Variants in SORBS2 observed in about 807,000 individuals in gnomAD.
SORBS2 encodes the protein sorbin and SH3 domain-containing protein 2.
Under a neutral mutation model 97.7 loss-of-function variants are expected in SORBS2, and 46 were observed. The observed-to-expected ratio is 0.47, with a 90% CI of 0.37 to 0.60. The LOEUF is 0.60. SORBS2 is among the 20% of genes least tolerant of loss of function. SORBS2 has a pLI of 0.00. For synonymous variants in SORBS2, 476 were observed against 473.4 expected (o/e 1.01, Z -0.07); for missense variants, 1,316 against 1,282.3 (o/e 1.03, Z -0.40).
intron 2 of SORBS2, among the ~76,000 whole-genome samples, chr4:185,767,171 C>G (rs1458947625): frequency 6.6e-6 from 1 of 152,102 alleles, no homozygotes; most frequent in Non-Finnish European, 1.5e-5. Context: ...GTCGTCTTCA[C>G]TGCCTGGACC....
In SORBS2 at chr4:185,953,793, G is replaced by T. The variant is rs147582235; in HGVS notation, c.-338+2403C>A. Among the ~76,000 whole-genome samples the T allele has an allele frequency of 1.6e-4, 24 of 152,284 alleles. No individual in the cohort carries two copies. The East Asian group carries it at 4.3e-3, about 27-fold the overall frequency. On this transcript the variant is annotated intron_variant, in intron 1 of 20. Coordinates refer to the SORBS2 transcript ENST00000284776. ...CACCCTTCTTATATTTACATGAACT[G>T]CTTATAATTATGTGGATTTCTTGCA...
intron 2 of SORBS2, among the ~76,000 whole-genome samples, chr4:185,704,995 G>A (rs2153537581): frequency 6.6e-6 from 1 of 152,338 alleles, no homozygotes; most frequent in South Asian, 2.1e-4. Flanking sequence ...TGTCACACAG[G>A]TAGGGGCAGC....
Position 185,688,096 on chromosome 4 carries a change from C to T in SORBS2, c.-197-9274G>A, listed in dbSNP as rs536912190. ...TTTGATGTCTTTCCTTCTCTCCTTT[C>T]TTCAATAGCTAAGATATGCCTAAGA... On this transcript the variant is annotated intron_variant, in intron 2 of 20. Transcript: ENST00000284776. Among the ~76,000 whole-genome samples, 14 of 152,268 alleles carry T rather than the reference C, an allele frequency of 9.2e-5. No individual in the cohort carries two copies. In the East Asian group the frequency reaches 2.7e-3, roughly 29 times the overall value.
At chr4:185,752,356 A>C (rs2098805688) in intron 2 of SORBS2, among the ~76,000 whole-genome samples, 1 of 152,122 alleles carries the variant, frequency 6.6e-6, no homozygotes, top group Non-Finnish European at 1.5e-5. Flanking sequence ...GCTCACTGCA[A>C]GCTCCGCCTC....
chr4:185,758,142 G>A (rs562791790), intron 2 of SORBS2, among the ~76,000 whole-genome samples: 47 of 152,290 alleles, frequency 3.1e-4, no homozygotes, highest in South Asian at 1.2e-3. Flanking sequence ...GGTCCTAACC[G>A]ATAATTTCAC....
At chr4:185,620,698 C>T (rs367905821) in intron 7 of SORBS2, among the ~76,000 whole-genome samples, 1 of 152,176 alleles carries the variant, frequency 6.6e-6, no homozygotes, top group Non-Finnish European at 1.5e-5. Flanking sequence ...CTCCCCTCTT[C>T]GCTCTTCCTC....
At chr4:185,741,393 C>CTTTTTTTTTT (rs1210677956) in intron 2 of SORBS2, among the ~76,000 whole-genome samples, 16 of 119,548 alleles carry the variant, frequency 1.3e-4, no homozygotes, top group African/African-American at 2.8e-4. Context: ...TCTTTCTTTT[C>CTTTTTTTTTT]TTTTTTTTTT....
At chr4:185,629,117 C>A (rs138905446) in intron 5 of SORBS2, among the ~76,000 whole-genome samples, 1 of 152,148 alleles carries the variant, frequency 6.6e-6, no homozygotes, top group African/African-American at 2.4e-5. Flanking sequence ...CTCAGTTTTA[C>A]AAATGGTAAA....
At chr4:185,838,154 C>G (rs936636625) in intron 1 of SORBS2, among the ~76,000 whole-genome samples, 2 of 152,272 alleles carry the variant, frequency 1.3e-5, no homozygotes, top group Admixed American at 1.3e-4. Context: ...ATCTCCCCAG[C>G]AGGGTGTGCG....
At chr4:185,864,147 T>C (rs1040217706) in intron 1 of SORBS2, among the ~76,000 whole-genome samples, 1 of 152,190 alleles carries the variant, frequency 6.6e-6, no homozygotes, top group African/African-American at 2.4e-5. Context: ...TACTATCAAC[T>C]GGAGAGAATG....
chr4:185,650,603 C>T (rs1164977010), intron 2 of SORBS2, among the ~76,000 whole-genome samples: 1 of 152,196 alleles, frequency 6.6e-6, no homozygotes, highest in Non-Finnish European at 1.5e-5. Context: ...CTAAATTTTC[C>T]TGCACCCAAT....
Position 185,684,716 on chromosome 4 carries a change from A to T in SORBS2, c.-197-5894T>A. ...AAAACAGTCAGAAGAGCTAGAAGCCATTCAAGTGCGACATTGTGTGAGTTA... is the reference window on the plus strand; with the variant it reads ...AAAACAGTCAGAAGAGCTAGAAGCCTTTCAAGTGCGACATTGTGTGAGTTA... On this transcript the variant is annotated intron_variant, in intron 2 of 20. Transcript: ENST00000284776. This position sits in a 1 kb window ranked among gnomAD's most constrained non-coding sequence, Gnocchi z 4.2. 7.2e-7 allele frequency: 1 copy of T among 1,394,932 alleles called. No homozygotes were observed. Among genetic ancestry groups the T allele is most frequent in the Non-Finnish European group, 9.9e-7 (1 of 1,005,296 alleles). 86.4% of individuals were successfully genotyped at this position (1,394,932 alleles called of 1,614,324 possible).
intron 1 of SORBS2, among the ~76,000 whole-genome samples, chr4:185,914,871 A>G (rs749449461): frequency 6.6e-6 from 1 of 152,222 alleles, no homozygotes; most frequent in Non-Finnish European, 1.5e-5. Context: ...GTTTATACAC[A>G]ATCAATTTGT....
intron 8 of SORBS2, 79 bp from the exon 21 acceptor site, chr4:185,618,710 A>T: frequency 1.2e-6 from 1 of 835,518 alleles, no homozygotes; most frequent in Non-Finnish European, 1.9e-6. Flanking sequence ...TGCCTTAAAG[A>T]AAAAGGAAAC....
Position 185,678,411 on chromosome 4 carries a change from G to T in SORBS2, c.-46+12C>A. On this transcript the variant is annotated intron_variant, in intron 4 of 20. Coordinates refer to the SORBS2 transcript ENST00000284776. The stretch of plus-strand genomic sequence containing the variant: ...TTAAAATAATGCAGTAGCCAAGAGT[G>T]TGCAGGGTTACCTGAGTTGGTGATC... The T allele has an allele frequency of 6.5e-7, 1 of 1,548,076 alleles. No individual in the cohort carries two copies. The highest frequency in any genetic ancestry group is 2.5e-5 in the East Asian group (1 of 40,762).
upstream of SORBS2, chr4:185,657,610 T>G: frequency 1.3e-6 from 2 of 1,583,714 alleles, no homozygotes; most frequent in Non-Finnish European, 1.7e-6. Context: ...CACAGAAAAT[T>G]TGGTAACATG....
chr4:185,854,813 G>T (rs934843546), intron 1 of SORBS2, among the ~76,000 whole-genome samples: 5 of 151,778 alleles, frequency 3.3e-5, no homozygotes, highest in African/African-American at 9.7e-5. Flanking sequence ...GAGAGAGAGA[G>T]AGAGCCTTAG....
chr4:185,655,868 A>T (rs147833537), intron 1 of SORBS2, among the ~76,000 whole-genome samples: 1 of 152,304 alleles, frequency 6.6e-6, no homozygotes, highest in Non-Finnish European at 1.5e-5. Context: ...TATTGACCTA[A>T]AAACATACCC....
chr4:185,938,430 A>ACACACC (rs35146408), intron 1 of SORBS2, among the ~76,000 whole-genome samples: 27 of 142,064 alleles, frequency 1.9e-4, no homozygotes, highest in East Asian at 4.0e-4. Context: ...ACACACACAC[A>ACACACC]CCCTTTTATT....
Sources: gnomAD v4.1 joint callset for allele counts (sites outside exome capture counted in the v4.1 genomes callset) on GRCh38, gnomAD v4.1.1 for gene constraint, Gnocchi (gnomAD v3.1) non-coding constraint, MANE v1.5 for transcripts, NCBI Gene and HGNC (gene_info 2026-07-23, HGNC 2026-07-21) for gene names.